XPNPEP3: variants seen among roughly 807,000 people sequenced by gnomAD.
XPNPEP3 encodes the protein xaa-Pro aminopeptidase 3.
In XPNPEP3, 41 loss-of-function variants were observed where a neutral mutation model predicts 60.0. The observed-to-expected ratio is 0.68, with a 90% CI of 0.53 to 0.89. The LOEUF (loss-of-function observed/expected upper bound fraction) is 0.89. XPNPEP3 is among the 40% of genes least tolerant of loss of function. The pLI is 0.00. For missense variants in XPNPEP3, 598 were observed against 638.9 expected (o/e 0.94, Z 0.69); for synonymous variants, 212 against 223.2 (o/e 0.95, Z 0.45).
At chr22:40,857,636 ATTCT>A (rs1451237496) in intron 1 of XPNPEP3, among the ~76,000 whole-genome samples, 14 of 152,382 alleles carry the variant, frequency 9.2e-5, no homozygotes, top group Admixed American at 6.5e-4. Context: ...TTAGTAACAA[ATTCT>A]TTCAGCAGCT....
At chr22:40,899,644 C>A (rs573038689) in intron 4 of XPNPEP3, among the ~76,000 whole-genome samples, 1 of 151,942 alleles carries the variant, frequency 6.6e-6, no homozygotes, top group South Asian at 2.1e-4. Context: ...CATGGTGATA[C>A]CTCATCTCTA....
chr22:40,902,493 G>A (rs1261767516), intron 4 of XPNPEP3, among the ~76,000 whole-genome samples: 5 of 151,926 alleles, frequency 3.3e-5, no homozygotes, highest in East Asian at 1.9e-4. Flanking sequence ...CTCGTGATCC[G>A]CCCACCTCGG....
At chr22:40,859,263 G>A (rs946712930) in intron 1 of XPNPEP3, among the ~76,000 whole-genome samples, 19 of 152,186 alleles carry the variant, frequency 1.2e-4, no homozygotes, top group African/African-American at 4.6e-4. Flanking sequence ...CTGGCTCGTG[G>A]AGGGCCTTGT....
chr22:40,885,018 A>G (rs957359244), intron 3 of XPNPEP3, among the ~76,000 whole-genome samples: 2 of 151,754 alleles, frequency 1.3e-5, no homozygotes, highest in African/African-American at 4.8e-5. Flanking sequence ...ACAGAGCAAG[A>G]CTACGTCTCA....
chr22:40,924,228 C>A, intron 8 of XPNPEP3, 134 bp from the exon 9 acceptor site: 1 of 1,277,324 alleles, frequency 7.8e-7, no homozygotes. Context: ...TAAGTATTAG[C>A]CCAAGGAGGG....
intron 7 of XPNPEP3, among the ~76,000 whole-genome samples, chr22:40,921,533 T>C (rs2058216727): frequency 6.6e-6 from 1 of 150,442 alleles, no homozygotes; most frequent in South Asian, 2.1e-4. Context: ...TATTTAGTAA[T>C]ACTGTGGTGG....
At chr22:40,896,396 T>C (rs561810463) in intron 4 of XPNPEP3, among the ~76,000 whole-genome samples, 101 of 152,134 alleles carry the variant, frequency 6.6e-4, no homozygotes, top group African/African-American at 2.3e-3. Context: ...CCTAGCACGG[T>C]GGCGCATGCC....
At chr22:40,861,697 T>C in intron 1 of XPNPEP3, 1 of 1,614,038 alleles carries the variant, frequency 6.2e-7, no homozygotes, top group Non-Finnish European at 8.5e-7. Flanking sequence ...TCATGAAAAA[T>C]TTCTTTAAAA....
In XPNPEP3 at chr22:40,907,633, C is replaced by G. The variant is rs776616537; in HGVS notation, c.839C>G (p.Ala280Gly). ...ACCAGTAAAGCCCCTGTGGAAGAAG[C>G]CTTTCTTTATGCTAAGGTGAGATTC... is the stretch of plus-strand genomic sequence containing the variant. ...MFTSKAPVEEAFLYAKFEFEC... is the reference protein window; with the variant it reads ...MFTSKAPVEEGFLYAKFEFEC... Residue 280 changes from alanine (A) to glycine (G), a missense_variant, in exon 5 of 10, where the codon GCC becomes GGC. Ala to Gly is a moderately conservative substitution (Grantham distance 60). Coordinates refer to ENST00000357137, the MANE Select transcript of XPNPEP3 (RefSeq NM_022098.4). 3.1e-6 allele frequency: 5 copies of G among 1,613,960 alleles called. No individual in the cohort carries two copies. Among genetic ancestry groups the G allele is most frequent in the Non-Finnish European group, 4.2e-6 (5 of 1,179,924 alleles).
Position 40,910,876 on chromosome 22 carries a change from C to T in XPNPEP3, c.969+1641C>T, listed in dbSNP as rs556563570. 6.6e-5 allele frequency among the ~76,000 whole-genome samples: 10 copies of T among 152,116 alleles called. No homozygotes were observed. In the South Asian group the frequency reaches 1.9e-3, roughly 28 times the overall value. On this transcript the variant is annotated intron_variant, in intron 6 of 9. Transcript: ENST00000357137. ...AAAAAAAATTAGCTGGGTGTGGTGG[C>T]GTGTGCCTGTAATCCCAGCTACTCA...
At chr22:40,902,205 A>C (rs2058136423) in intron 4 of XPNPEP3, among the ~76,000 whole-genome samples, 1 of 139,342 alleles carries the variant, frequency 7.2e-6, no homozygotes, top group African/African-American at 2.7e-5. Context: ...TCAGCCTCCC[A>C]AGTAGCTGGT....
chr22:40,931,962 A>G lies in XPNPEP3; in HGVS notation c.*5527A>G, dbSNP rs182919606. 2 of 152,314 alleles carry G rather than the reference A, an allele frequency of 1.3e-5. No homozygotes were observed. Among genetic ancestry groups the G allele is most frequent in the Admixed American group, 1.3e-4 (2 of 15,278 alleles). 9.4% of individuals were successfully genotyped at this position (152,314 alleles called of 1,614,324 possible). A position where few individuals can be genotyped will look rare whatever the true frequency, so the allele number is the denominator to read the frequency against. On this transcript the variant is annotated 3_prime_UTR_variant, in exon 10 of 10. Coordinates refer to ENST00000357137, the MANE Select transcript of XPNPEP3 (RefSeq NM_022098.4). The stretch of plus-strand genomic sequence containing the variant: ...AGACATTGCAACTTATTAAAACAGA[A>G]AAATGTACCTTTGTTATGTCTTTCC...
chr22:40,924,680 G>T (rs935559969), intron 9 of XPNPEP3, among the ~76,000 whole-genome samples, 198 bp downstream of exon 9: 12 of 152,030 alleles, frequency 7.9e-5, no homozygotes, highest in African/African-American at 2.9e-4. Flanking sequence ...CGGCCACCAC[G>T]CCTGGCTAAT....
intron 2 of XPNPEP3, among the ~76,000 whole-genome samples, chr22:40,878,303 T>C (rs2058035143): frequency 6.6e-6 from 1 of 152,288 alleles, no homozygotes; most frequent in African/African-American, 2.4e-5. Context: ...CTCAATAGTG[T>C]TGATAATTAA....
rs756904530 is a variant in XPNPEP3, at chr22:40,886,297, G to A, written c.590-16G>A. 2.5e-6 allele frequency: 4 copies of A among 1,612,400 alleles called. No individual in the cohort carries two copies. Among genetic ancestry groups the A allele is most frequent in the South Asian group, 1.1e-5 (1 of 91,014 alleles). On this transcript the variant is annotated splice_polypyrimidine_tract_variant and intron_variant, in intron 3 of 9. Coordinates refer to ENST00000357137, the MANE Select transcript of XPNPEP3 (RefSeq NM_022098.4). The stretch of plus-strand genomic sequence containing the variant: ...TAGTTTTGTTTTAAATTTATTTTTC[G>A]GCTTCTCATTCTAAGCTGAGACGAA...
In XPNPEP3 at chr22:40,862,115, A is replaced by C. The variant is rs2057953889; in HGVS notation, c.64+4870A>C. 4 of 1,490,702 alleles carry C rather than the reference A, an allele frequency of 2.7e-6. No individual in the cohort carries two copies. The South Asian group carries it at 5.7e-5, about 21-fold the overall frequency. 92.3% of individuals were successfully genotyped at this position (1,490,702 alleles called of 1,614,324 possible). On this transcript the variant is annotated intron_variant, in intron 1 of 9. Coordinates refer to ENST00000357137, the MANE Select transcript of XPNPEP3 (RefSeq NM_022098.4). ...TGCAAATAGGTACACTTTTATGTTA[A>C]AGACAATGTTATTACCATGTGCTAA...
chr22:40,888,319 C>T (rs1298343751), intron 4 of XPNPEP3: 5 of 343,226 alleles, frequency 1.5e-5, no homozygotes, highest in Admixed American at 3.2e-5. Flanking sequence ...TCACAGCTCA[C>T]TGCAGTCTCG....
intron 4 of XPNPEP3, among the ~76,000 whole-genome samples, chr22:40,905,331 G>A (rs1283536435): frequency 4.0e-5 from 6 of 151,532 alleles, no homozygotes; most frequent in East Asian, 1.9e-4. Flanking sequence ...CCACCGCCTC[G>A]GCCGCCTGAA....
rs372729011 is a variant in XPNPEP3 at position 40,876,189 on chromosome 22, A to G, written c.182-5581A>G. Among the ~76,000 whole-genome samples the G allele has an allele frequency of 5.3e-5, 8 of 152,224 alleles. No individual in the cohort carries two copies. In the East Asian group the frequency reaches 5.8e-4, roughly 11 times the overall value. ...ATAATGAAAAGTTTCTAAATGGTCA[A>G]TGGAGATTCATTCCTAACATGTGAA... On this transcript the variant is annotated intron_variant, in intron 2 of 9. Transcript: ENST00000357137.
Sources: allele counts gnomAD v4.1 joint callset (sites outside exome capture counted in the v4.1 genomes callset), GRCh38; gene constraint gnomAD v4.1.1; transcripts MANE v1.5; gene names NCBI Gene and HGNC (gene_info 2026-07-23, HGNC 2026-07-21).